The following USP13 variants were observed in gnomAD, a reference collection of about 807,000 sequenced individuals.
The protein encoded by USP13 is ubiquitin carboxyl-terminal hydrolase 13.
USP13 carries 68 observed loss-of-function variants against 107.8 expected under a neutral mutation model. The ratio of observed to expected loss-of-function variants is 0.63; its 90% confidence interval spans 0.52 to 0.77. USP13 has a LOEUF of 0.77. Ranked by LOEUF, USP13 falls within the 30% of genes least tolerant of loss-of-function variation. The pLI is 0.00. For missense variants in USP13, 945 were observed against 1,093.3 expected (o/e 0.86, Z 1.91); for synonymous variants, 377 against 389.5 (o/e 0.97, Z 0.38).
chr3:179,689,607 G>A (rs191309435), intron 2 of USP13, among the ~76,000 whole-genome samples: 14 of 151,536 alleles, frequency 9.2e-5, no homozygotes, highest in East Asian at 1.9e-4. Context: ...GCTGTGAGCC[G>A]AGACTGCGCC....
intron 19 of USP13, among the ~76,000 whole-genome samples, chr3:179,771,337 G>T (rs1715336371): frequency 6.6e-6 from 1 of 152,200 alleles, no homozygotes; most frequent in Admixed American, 6.5e-5. Flanking sequence ...AAGTCACTGA[G>T]GCAGGTTGAT....
chr3:179,761,331 G>T lies in USP13; in HGVS notation c.2092+76G>T, dbSNP rs1715004786. The T allele has an allele frequency of 8.3e-6, 13 of 1,562,598 alleles. No individual in the cohort carries two copies. The East Asian group carries it at 2.9e-4, about 35-fold the overall frequency. On this transcript the variant is annotated intron_variant, in intron 17 of 20. Transcript: ENST00000263966. Reference sequence around the variant, plus strand: ...GATGCTGAGTCCTGGTCCTTCCAAGGTCCCTGTGGATGTATCCCTAGAAAA... The same window carrying T: ...GATGCTGAGTCCTGGTCCTTCCAAGTTCCCTGTGGATGTATCCCTAGAAAA...
chr3:179,699,763 AT>A (rs1712452127), intron 3 of USP13, among the ~76,000 whole-genome samples: 1 of 143,264 alleles, frequency 7.0e-6, no homozygotes, highest in African/African-American at 2.5e-5. Flanking sequence ...TTATTTATTT[AT>A]TTATTTATTT....
At chr3:179,737,504 A>C (rs1714033930) in intron 10 of USP13, among the ~76,000 whole-genome samples, 1 of 152,216 alleles carries the variant, frequency 6.6e-6, no homozygotes. Flanking sequence ...GTGTCAGCTG[A>C]TACTATGTGA....
rs1398332062 is a variant in USP13 at position 179,785,447 on chromosome 3, G to A, written c.*1306G>A. ...GGGATTAGATTAGAGTTTCCAACGT[G>A]ATGAAAAGTGGAATGATAGCATTCT... On this transcript the variant is annotated 3_prime_UTR_variant, in exon 21 of 21. Coordinates refer to ENST00000263966, the MANE Select transcript of USP13 (RefSeq NM_003940.3). 6.6e-6 allele frequency: 1 copy of A among 152,188 alleles called. No homozygotes were observed. The highest frequency in any genetic ancestry group is 1.5e-5 in the Non-Finnish European group (1 of 68,038). The allele number at this position is 152,188 out of a possible 1,614,324, so 9.4% of individuals were successfully genotyped here.
At chr3:179,778,107 G>A (rs1204605362) in intron 19 of USP13, among the ~76,000 whole-genome samples, 1 of 151,118 alleles carries the variant, frequency 6.6e-6, no homozygotes, top group African/African-American at 2.4e-5. Context: ...TTTTTCAGTT[G>A]ATGTGATAGC....
At chr3:179,662,679 T>C (rs1720488617) in intron 1 of USP13, among the ~76,000 whole-genome samples, 2 of 152,252 alleles carry the variant, frequency 1.3e-5, no homozygotes, top group African/African-American at 4.8e-5. Context: ...AGTCACTTGC[T>C]GTCCCTTTTG....
chr3:179,666,090 T>C, intron 1 of USP13, among the ~76,000 whole-genome samples: 1 of 152,140 alleles, frequency 6.6e-6, no homozygotes, highest in East Asian at 1.9e-4. Context: ...AATTGTCTTA[T>C]GGAAGAGAAG....
intron 2 of USP13, among the ~76,000 whole-genome samples, chr3:179,688,538 T>C (rs775820890): frequency 6.6e-6 from 1 of 152,234 alleles, no homozygotes; most frequent in Non-Finnish European, 1.5e-5. Context: ...AGGAGTTTTA[T>C]TTTCTCAAAC....
intron 1 of USP13, 66 bp from the exon 2 acceptor site, chr3:179,681,812 C>T: frequency 6.5e-7 from 1 of 1,534,094 alleles, no homozygotes; most frequent in Non-Finnish European, 8.8e-7. Context: ...CTTCCCTTTC[C>T]CTCTTTCTAC....
intron 10 of USP13, among the ~76,000 whole-genome samples, chr3:179,731,580 C>T (rs1713805637): frequency 6.6e-6 from 1 of 152,130 alleles, no homozygotes; most frequent in Non-Finnish European, 1.5e-5. Context: ...ATTAATAGAA[C>T]CACTGAAAGA....
intron 6 of USP13, among the ~76,000 whole-genome samples, chr3:179,710,237 G>A (rs1455166924): frequency 6.6e-6 from 1 of 152,188 alleles, no homozygotes; most frequent in African/African-American, 2.4e-5. Flanking sequence ...TGGATTCAGG[G>A]TTACAGCGCG....
intron 1 of USP13, among the ~76,000 whole-genome samples, chr3:179,668,685 G>T (rs982580440): frequency 5.3e-5 from 8 of 152,110 alleles, no homozygotes; most frequent in African/African-American, 1.9e-4. Context: ...GCCTCCCAAA[G>T]TGCTGAGATT....
chr3:179,745,492 GCCTT>G (rs35031347), intron 13 of USP13, among the ~76,000 whole-genome samples: 57 of 150,164 alleles, frequency 3.8e-4, no homozygotes, highest in East Asian at 1.2e-3. Flanking sequence ...TCTATTAGGA[GCCTT>G]CCTTCCTTCC....
chr3:179,665,404 A>G (rs1354778508), intron 1 of USP13, among the ~76,000 whole-genome samples: 2 of 152,194 alleles, frequency 1.3e-5, no homozygotes, highest in Non-Finnish European at 2.9e-5. Context: ...TTTAATTATG[A>G]TAGTAATTGG....
intron 19 of USP13, among the ~76,000 whole-genome samples, chr3:179,774,736 C>T (rs563088811): frequency 1.8e-4 from 27 of 152,336 alleles, no homozygotes; most frequent in African/African-American, 5.3e-4. Flanking sequence ...ACTGCTGGCT[C>T]GGGCAGCCTG....
chr3:179,707,762 C>A (rs1413146415), intron 5 of USP13, among the ~76,000 whole-genome samples: 1 of 152,158 alleles, frequency 6.6e-6, no homozygotes, highest in Admixed American at 6.5e-5. Flanking sequence ...TTTACAGAGG[C>A]AGGTGTTGGC....
At chr3:179,736,277 A>C (rs1017185020) in intron 10 of USP13, among the ~76,000 whole-genome samples, 51 of 152,126 alleles carry the variant, frequency 3.4e-4, no homozygotes, top group African/African-American at 1.2e-3. Context: ...GTTTGGTATA[A>C]GGTCGCTAGA....
intron 6 of USP13, among the ~76,000 whole-genome samples, chr3:179,717,142 A>G (rs1713138869): frequency 6.6e-6 from 1 of 152,148 alleles, no homozygotes; most frequent in Non-Finnish European, 1.5e-5. Context: ...AAAGTTGCCT[A>G]TTTACTACCA....
Sources: allele counts gnomAD v4.1 joint callset (sites outside exome capture counted in the v4.1 genomes callset), GRCh38; gene constraint gnomAD v4.1.1; transcripts MANE v1.5; gene names NCBI Gene and HGNC (gene_info 2026-07-23, HGNC 2026-07-21).